FLT4: variants seen among roughly 807,000 people sequenced by gnomAD.
The protein encoded by FLT4 is vascular endothelial growth factor receptor 3.
Under a neutral mutation model 163.2 loss-of-function variants are expected in FLT4, and 30 were observed. That is an observed-to-expected ratio of 0.18 (90% CI 0.14 to 0.25). The LOEUF (loss-of-function observed/expected upper bound fraction) is 0.25, where lower values mean the gene tolerates loss of function less well. Ranked by LOEUF, FLT4 falls within the 10% of genes least tolerant of loss-of-function variation. The probability of loss-of-function intolerance (pLI) is 1.00; values close to 1 mark genes in which losing one functional copy is unlikely to be tolerated. For synonymous variants in FLT4, 884 were observed against 789.5 expected (o/e 1.12, Z -2.01); for missense variants, 1,510 against 1,863.8 (o/e 0.81, Z 3.50).
chr5:180,613,433 C>A, intron 24 of FLT4: 1 of 344,876 alleles, frequency 2.9e-6, no homozygotes, highest in Non-Finnish European at 5.3e-6. Flanking sequence ...CGCCTGCAGG[C>A]AGTTTCAACA....
At chr5:180,631,629 G>A (rs2127841595) in intron 2 of FLT4, 53 bp downstream of exon 2, 1 of 1,428,230 alleles carries the variant, frequency 7.0e-7, no homozygotes, top group Non-Finnish European at 9.8e-7. Context: ...ACCACCTCCT[G>A]CCTTGGGCTT....
intron 7 of FLT4, 107 bp downstream of exon 7, chr5:180,629,152 C>G (rs1212686870): frequency 1.3e-6 from 2 of 1,498,944 alleles, no homozygotes; most frequent in Non-Finnish European, 1.9e-6. Flanking sequence ...AGCTCCTCTG[C>G]TCGTGGCCCT....
chr5:180,608,944 G>T (rs757262351), intron 29 of FLT4, 24 bp downstream of exon 29: 2 of 1,590,422 alleles, frequency 1.3e-6, no homozygotes, highest in South Asian at 2.2e-5. Context: ...TACCTGCAGT[G>T]CAGGAGGCTC....
intron 29 of FLT4, among the ~76,000 whole-genome samples, chr5:180,604,236 TCA>T (rs1311176622): frequency 6.6e-6 from 1 of 152,168 alleles, no homozygotes; most frequent in African/African-American, 2.4e-5. Flanking sequence ...AACCCAGTTC[TCA>T]CTCTGTCTTG....
chr5:180,619,772 G>A lies in FLT4; in HGVS notation c.2543-3C>T. 1 of 1,609,698 alleles carries A rather than the reference G, an allele frequency of 6.2e-7. No homozygotes were observed. Among genetic ancestry groups the A allele is most frequent in the Non-Finnish European group, 8.5e-7 (1 of 1,177,762 alleles). ...GGCGCCGTAGCCGAGCACTCTCCCT[G>A]TCGGGGCAGGGGGCCAGTTGCAGGT... On this transcript the variant is annotated splice_polypyrimidine_tract_variant and splice_region_variant and intron_variant, in intron 17 of 29. Transcript: ENST00000261937.
Position 180,614,175 on chromosome 5 carries a change from C to G in FLT4, c.3224G>C (p.Arg1075Pro). The G allele has an allele frequency of 7.0e-7, 1 of 1,425,142 alleles. No homozygotes were observed. The highest frequency in any genetic ancestry group is 1.4e-5 in the South Asian group (1 of 72,192). The allele number at this position is 1,425,142 out of a possible 1,614,324, so 88.3% of individuals were successfully genotyped here. Residue 1075 changes from arginine to proline, a missense_variant, in exon 24 of 30, where the codon CGG (arginine) becomes CCG (proline). Arg to Pro is a moderately radical substitution (Grantham distance 103, BLOSUM62 -2). Around this residue, in one of 5 missense-constraint regions of FLT4, gnomAD observed 878 missense variants for 1,016.7 expected, o/e 0.86. Coordinates refer to ENST00000261937, the MANE Select transcript of FLT4 (RefSeq NM_182925.5). ...DPDYVRKGSA[R>P]LPLKWMAPES... ...AGGGGCCATCCACTTCAGGGGCAGCCGGGCCTGGGGAGACAGAGGGAAGCT... is the reference window on the plus strand; with the variant it reads ...AGGGGCCATCCACTTCAGGGGCAGCGGGGCCTGGGGAGACAGAGGGAAGCT...
At position 180,641,930 on chromosome 5, in the gene FLT4, T is replaced by C. The variant is rs553205182; in HGVS notation, c.58+7558A>G. ...ACATGGTTAAGAATAAACTGTCGGC[T>C]GGGCACAGTGGCTCACGCCTGTAAT... On this transcript the variant is annotated intron_variant, in intron 1 of 29. Coordinates refer to ENST00000261937, the MANE Select transcript of FLT4 (RefSeq NM_182925.5). 1.9e-3 allele frequency among the ~76,000 whole-genome samples: 287 copies of C among 152,250 alleles called. 3 individuals carry two copies. The highest frequency in any genetic ancestry group is 5.0e-3 in the East Asian group (26 of 5,176).
chr5:180,622,230 C>T (rs952410790), intron 12 of FLT4, among the ~76,000 whole-genome samples: 2 of 150,814 alleles, frequency 1.3e-5, no homozygotes, highest in Admixed American at 6.6e-5. Context: ...GCTCCTGTGG[C>T]CCCCCAGCCC....
intron 1 of FLT4, among the ~76,000 whole-genome samples, chr5:180,649,249 TGCGCCGAGGC>T (rs1361039911): frequency 1.5e-4 from 22 of 151,724 alleles, no homozygotes; most frequent in Admixed American, 1.2e-3. Context: ...GAGCTACCCC[TGCGCCGAGGC>T]GCGGCCCGGC....
chr5:180,622,620 G>T (rs1326171198), intron 12 of FLT4, 111 bp downstream of exon 12: 4 of 728,022 alleles, frequency 5.5e-6, no homozygotes, highest in Non-Finnish European at 1.0e-5. Context: ...CAACCGGTAG[G>T]CCTTGGATCT....
At position 180,626,115 on chromosome 5, in the gene FLT4, C is replaced by T. The variant is rs754154391; in HGVS notation, c.1254G>A (p.Val418=). ...LRRNISLELV[V]NVPPQIHEKE... ...GCTCTCCCGTCCCTGACCTACCATT[C>T]ACCACCAGCTCCAGGCTGATGTTGC... The change falls in exon 9 of 30, where the codon GTG becomes GTA. Residue 418 remains valine, a synonymous_variant. Coordinates refer to ENST00000261937, the MANE Select transcript of FLT4 (RefSeq NM_182925.5). 3.7e-6 allele frequency: 6 copies of T among 1,612,860 alleles called. No individual in the cohort carries two copies. The South Asian group carries it at 6.6e-5, about 18-fold the overall frequency.
intron 8 of FLT4, among the ~76,000 whole-genome samples, chr5:180,627,330 G>A (rs753293481): frequency 2.6e-5 from 4 of 152,152 alleles, no homozygotes; most frequent in African/African-American, 7.2e-5. Flanking sequence ...GCCTGGGGTC[G>A]CAGAGTGAGG....
chr5:180,614,411 C>A (rs923656459), intron 23 of FLT4, among the ~76,000 whole-genome samples: 1 of 152,094 alleles, frequency 6.6e-6, no homozygotes. Flanking sequence ...TCTCCTGGGT[C>A]TGTCTGGGCC....
chr5:180,621,973 G>C (rs182123829), intron 12 of FLT4, 69 bp from the exon 13 acceptor site: 16 of 1,571,340 alleles, frequency 1.0e-5, no homozygotes, highest in Non-Finnish European at 1.3e-5. Context: ...CTGCCGCCCC[G>C]GGGTCTCCTC....
intron 27 of FLT4, 104 bp from the exon 28 acceptor site, chr5:180,610,129 C>G: frequency 3.2e-6 from 5 of 1,553,630 alleles, no homozygotes; most frequent in South Asian, 1.1e-5. Flanking sequence ...AAGGACCCCC[C>G]GCCTGGGGCA....
chr5:180,615,692 T>C, intron 23 of FLT4, among the ~76,000 whole-genome samples: 1 of 79,940 alleles, frequency 1.3e-5, no homozygotes, highest in Non-Finnish European at 2.5e-5. Flanking sequence ...GCCGGTCACC[T>C]CCCTTCTCCA....
rs113702127 is a variant in FLT4 at position 180,636,983 on chromosome 5, C to A, written c.59-5205G>T. On this transcript the variant is annotated intron_variant, in intron 1 of 29. Coordinates refer to ENST00000261937, the MANE Select transcript of FLT4 (RefSeq NM_182925.5). The surrounding 1 kb of genome is among the most constrained non-coding windows in gnomAD (Gnocchi z 4.3). ...GGCCCCCACAGGAGCTCCTCCCCCC[C>A]ATTTTCCTGGGTGCACACAGTTCAG... is the stretch of plus-strand genomic sequence containing the variant. Among the ~76,000 whole-genome samples, 112 of 152,224 alleles carry A rather than the reference C, an allele frequency of 7.4e-4. No individual in the cohort carries two copies. Among genetic ancestry groups the A allele is most frequent in the African/African-American group, 2.5e-3 (104 of 41,546 alleles).
rs771180481 is a variant in FLT4, at chr5:180,619,594, G to C, written c.2647+71C>G. 61 of 1,259,008 alleles carry C rather than the reference G, an allele frequency of 4.8e-5. No homozygotes were observed. The East Asian group carries it at 1.3e-3, about 27-fold the overall frequency. The allele number at this position is 1,259,008 out of a possible 1,614,324, so 78.0% of individuals were successfully genotyped here. On this transcript the variant is annotated intron_variant, in intron 18 of 29. Coordinates refer to ENST00000261937, the MANE Select transcript of FLT4 (RefSeq NM_182925.5). Reference sequence around the variant, plus strand: ...CCTCAGTCTCCCTTCCCGAGTTGCCGTCCCACCGGCCCACCCCGAGCTGCT... The same window carrying C: ...CCTCAGTCTCCCTTCCCGAGTTGCCCTCCCACCGGCCCACCCCGAGCTGCT...
At chr5:180,643,489 TC>T (rs147305215) in intron 1 of FLT4, among the ~76,000 whole-genome samples, 5,994 of 152,072 alleles carry the variant, frequency 0.039, 166 homozygotes, top group South Asian at 0.12. Flanking sequence ...TCAATGGCTC[TC>T]CCCCCGGGTG....
Sources: allele counts gnomAD v4.1 joint callset (sites outside exome capture counted in the v4.1 genomes callset), GRCh38; gene constraint gnomAD v4.1.1; regional missense constraint gnomAD v4.1.1; non-coding constraint Gnocchi (gnomAD v3.1); transcripts MANE v1.5; gene names NCBI Gene and HGNC (gene_info 2026-07-23, HGNC 2026-07-21).